The following TMEM114 variants were observed in gnomAD, a reference collection of about 807,000 sequenced individuals.
The protein encoded by TMEM114 is transmembrane protein 114, also known as claudin-26.
TMEM114 carries 6 observed loss-of-function variants against 6.2 expected under a neutral mutation model. The ratio of observed to expected loss-of-function variants is 0.97; its 90% CI spans 0.53 to 1.91. The LOEUF (loss-of-function observed/expected upper bound fraction) is 1.91. TMEM114 is among the 40% of genes most tolerant of loss of function. The pLI is 0.01. For synonymous variants in TMEM114, 104 were observed against 73.0 expected (o/e 1.42, Z -2.16); for missense variants, 218 against 158.3 (o/e 1.38, Z -2.02).
chr16:8,567,364 C>G (rs947488985), downstream of TMEM114, among the ~76,000 whole-genome samples: 1 of 152,200 alleles, frequency 6.6e-6, no homozygotes, highest in Non-Finnish European at 1.5e-5. Context: ...GGCCCTGGAA[C>G]AGTCTCTGAC....
intron 2 of TMEM114, among the ~76,000 whole-genome samples, chr16:8,584,552 T>C (rs1902254449): frequency 6.6e-6 from 1 of 152,262 alleles, no homozygotes; most frequent in Admixed American, 6.5e-5. Context: ...GGACCTGATA[T>C]GTCTGCTCAA....
chr16:8,576,883 G>T (rs1000554853), intron 2 of TMEM114, among the ~76,000 whole-genome samples: 1 of 152,204 alleles, frequency 6.6e-6, no homozygotes. Flanking sequence ...ATTCAGAAAG[G>T]AAGTTCACAT....
intron 2 of TMEM114, among the ~76,000 whole-genome samples, chr16:8,560,424 C>G (rs934052525): frequency 2.6e-5 from 4 of 152,202 alleles, no homozygotes; most frequent in African/African-American, 9.6e-5. Flanking sequence ...GGAACTTGCC[C>G]TGGAATCTCT....
intron 2 of TMEM114, among the ~76,000 whole-genome samples, chr16:8,578,459 G>A (rs1436683278): frequency 6.6e-6 from 1 of 152,136 alleles, no homozygotes; most frequent in Admixed American, 6.6e-5. Flanking sequence ...ATTTGTCATA[G>A]GATTTAGGGC....
intron 2 of TMEM114, among the ~76,000 whole-genome samples, chr16:8,585,550 A>G (rs1023912324): frequency 6.6e-6 from 1 of 152,146 alleles, no homozygotes; most frequent in Non-Finnish European, 1.5e-5. Flanking sequence ...AGGTCCTTAA[A>G]GGAATGAAAC....
intron 2 of TMEM114, among the ~76,000 whole-genome samples, chr16:8,581,572 G>A (rs1327779740): frequency 6.6e-6 from 1 of 152,156 alleles, no homozygotes; most frequent in East Asian, 1.9e-4. Flanking sequence ...CCGTGCCTCA[G>A]CCTCCCAAGT....
chr16:8,571,132 A>T (rs1168484250), intron 3 of TMEM114, among the ~76,000 whole-genome samples: 18 of 24,046 alleles, frequency 7.5e-4, no homozygotes, highest in East Asian at 2.5e-3. Context: ...TTTTTTTTTA[A>T]AAGGAACATT....
At position 8,569,655 on chromosome 16, in the gene TMEM114, G is replaced by A; in HGVS notation, c.*118C>T. On this transcript the variant is annotated 3_prime_UTR_variant, in exon 4 of 4. Coordinates refer to ENST00000620492, the MANE Select transcript of TMEM114 (RefSeq NM_001146336.2). ...CGCGGGGATTTGTGGGGGAAGGAGG[G>A]GGGTGCCTGGCCTCCCCGAGTGGCC... 1 of 1,441,492 alleles carries A rather than the reference G, an allele frequency of 6.9e-7. No homozygotes were observed. Among genetic ancestry groups the A allele is most frequent in the Non-Finnish European group, 9.1e-7 (1 of 1,101,502 alleles). The allele number at this position is 1,441,492 out of a possible 1,614,324, so 89.3% of individuals were successfully genotyped here. A position where few individuals can be genotyped will look rare whatever the true frequency, so the allele number is the denominator to read the frequency against.
At chr16:8,546,398 C>G (rs1248396930) in intron 2 of TMEM114, among the ~76,000 whole-genome samples, 1 of 152,200 alleles carries the variant, frequency 6.6e-6, no homozygotes, top group African/African-American at 2.4e-5. Flanking sequence ...ACCTGAGACA[C>G]TGAATGTACC....
At position 8,569,521 on chromosome 16, in the gene TMEM114, A is replaced by C. The variant is rs1210777985; in HGVS notation, c.*252T>G. 3.6e-6 allele frequency: 5 copies of C among 1,387,628 alleles called. No individual in the cohort carries two copies. The highest frequency in any genetic ancestry group is 2.9e-5 in the African/African-American group (2 of 68,894). The allele number at this position is 1,387,628 out of a possible 1,614,324, so 86.0% of individuals were successfully genotyped here. The stretch of plus-strand genomic sequence containing the variant: ...TGTGTGTGATTAAAGGATCGTTTTT[A>C]TTTCTCGCGAAGCGGTTTGGCACTC... On this transcript the variant is annotated 3_prime_UTR_variant, in exon 4 of 4. Coordinates refer to ENST00000620492, the MANE Select transcript of TMEM114 (RefSeq NM_001146336.2).
rs116464780 is a variant in TMEM114, at chr16:8,574,229, A to G, written c.302-2005T>C. Among the ~76,000 whole-genome samples the G allele has an allele frequency of 3.7e-3, 561 of 152,304 alleles. 4 individuals carry two copies. Among genetic ancestry groups the G allele is most frequent in the African/African-American group, 0.013 (540 of 41,552 alleles). On this transcript the variant is annotated intron_variant, in intron 2 of 3. Transcript: ENST00000620492. The stretch of plus-strand genomic sequence containing the variant: ...AACCTCCATTTCCACTTCTTATGAA[A>G]TGGAGGTAAAAGTATACGGCTCACA...
intron 2 of TMEM114, among the ~76,000 whole-genome samples, chr16:8,559,211 T>A (rs528805647): frequency 1.3e-5 from 2 of 151,900 alleles, no homozygotes; most frequent in African/African-American, 4.8e-5. Flanking sequence ...CCCGGATAAT[T>A]TTTGTATTTT....
chr16:8,570,395 G>GATCTCAGCTTGCTGCAACCTCCACCTCC (rs1901695132), intron 3 of TMEM114, among the ~76,000 whole-genome samples: 2 of 151,960 alleles, frequency 1.3e-5, no homozygotes, highest in African/African-American at 2.4e-5. Flanking sequence ...AGCTTGCTGC[G>GATCTCAGCTTGCTGCAACCTCCACCTCC]ATCTCAGCTT....
At chr16:8,562,034 G>C (rs142820829) in intron 2 of TMEM114, among the ~76,000 whole-genome samples, 14 of 150,928 alleles carry the variant, frequency 9.3e-5, no homozygotes, top group African/African-American at 3.4e-4. Flanking sequence ...GTGAATGAGT[G>C]AGTAAATGAG....
chr16:8,561,487 C>T (rs1901198557), intron 2 of TMEM114, among the ~76,000 whole-genome samples: 3 of 152,216 alleles, frequency 2.0e-5, no homozygotes, highest in South Asian at 4.1e-4. Context: ...AGAATGTCAG[C>T]TTCAAAAGGC....
chr16:8,527,508 G>A, the TMEM114 span, among the ~76,000 whole-genome samples: 1 of 151,526 alleles, frequency 6.6e-6, no homozygotes, highest in Non-Finnish European at 1.5e-5. Flanking sequence ...GATAACAACT[G>A]TAACACCCAA....
intron 2 of TMEM114, among the ~76,000 whole-genome samples, chr16:8,553,961 C>T (rs749497962): frequency 6.6e-6 from 1 of 151,942 alleles, no homozygotes; most frequent in African/African-American, 2.4e-5. Context: ...TCACTGCAAC[C>T]TCTGGCTCCC....
At chr16:8,562,516 ATGAGTGAGTTAATGAG>A (rs1567202266) in intron 2 of TMEM114, among the ~76,000 whole-genome samples, 247 of 27,058 alleles carry the variant, frequency 9.1e-3, no homozygotes, top group African/African-American at 0.04. Flanking sequence ...GAGTGACTGA[ATGAGTGAGTTAATGAG>A]TGAGTGAGTG....
At chr16:8,563,972 A>T (rs1901406018) in intron 2 of TMEM114, among the ~76,000 whole-genome samples, 1 of 140,420 alleles carries the variant, frequency 7.1e-6, no homozygotes, top group Non-Finnish European at 1.6e-5. Context: ...TGAGTGAATG[A>T]GTGAGTGAGG....
Sources: gnomAD v4.1 joint callset for allele counts (sites outside exome capture counted in the v4.1 genomes callset) on GRCh38, gnomAD v4.1.1 for gene constraint, MANE v1.5 for transcripts, NCBI Gene and HGNC (gene_info 2026-07-23, HGNC 2026-07-21) for gene names.